Variants in NEDD9 observed in about 807,000 individuals in gnomAD.
NEDD9 encodes the protein enhancer of filamentation 1.
Under a neutral mutation model 76.6 loss-of-function variants are expected in NEDD9, and 26 were observed. The observed-to-expected ratio is 0.34, with a 90% CI of 0.25 to 0.47. The LOEUF (loss-of-function observed/expected upper bound fraction) is 0.47, where lower values mean the gene tolerates loss of function less well. Among genes scored for constraint, NEDD9 ranks in the 20% least tolerant of loss-of-function variants. The probability of loss-of-function intolerance (pLI) is 1.00; values close to 1 mark genes in which losing one functional copy is unlikely to be tolerated. For synonymous variants in NEDD9, 392 were observed against 414.2 expected (o/e 0.95, Z 0.65); for missense variants, 937 against 1,058.5 (o/e 0.89, Z 1.59).
intron 3 of NEDD9, among the ~76,000 whole-genome samples, chr6:11,272,153 T>A (rs1331850142): frequency 6.6e-6 from 1 of 152,192 alleles, no homozygotes; most frequent in Admixed American, 6.5e-5. Flanking sequence ...GGACTTGGTT[T>A]ACCTTTTCTC....
chr6:11,327,692 C>T (rs905235174), intron 2 of NEDD9, among the ~76,000 whole-genome samples: 1 of 152,242 alleles, frequency 6.6e-6, no homozygotes, highest in Non-Finnish European at 1.5e-5. Flanking sequence ...TCAGAAGCTG[C>T]CGTCCATTAA....
chr6:11,245,992 G>A (rs1161796329), intron 3 of NEDD9, among the ~76,000 whole-genome samples: 1 of 151,914 alleles, frequency 6.6e-6, no homozygotes, highest in East Asian at 1.9e-4. Context: ...CTGGAAAATG[G>A]ATGTTTAAAA....
chr6:11,185,331 G>C lies in NEDD9; in HGVS notation c.2336C>G (p.Ser779Cys). ...AQDIRNKVMN[S>C]SNQLCEQLKT... The stretch of plus-strand genomic sequence containing the variant: ...GAGCTGCTCGCAGAGCTGGTTGCTG[G>C]AGTTCATGACTTTGTTGCGAATGTC... The change falls in exon 7 of 7, where the codon TCC becomes TGC. Residue 779 changes from serine (S) to cysteine (C), a missense_variant. Coordinates refer to ENST00000379446, the MANE Select transcript of NEDD9 (RefSeq NM_006403.4). The C allele has an allele frequency of 6.2e-7, 1 of 1,614,180 alleles. No individual in the cohort carries two copies. The highest frequency in any genetic ancestry group is 8.5e-7 in the Non-Finnish European group (1 of 1,180,044).
intron 1 of NEDD9, among the ~76,000 whole-genome samples, chr6:11,358,483 C>T (rs979739287): frequency 6.6e-6 from 1 of 152,086 alleles, no homozygotes; most frequent in African/African-American, 2.4e-5. Flanking sequence ...ACCTCCAAAC[C>T]TAGTTAACAG....
chr6:11,253,389 CG>C (rs1018962478), intron 3 of NEDD9, among the ~76,000 whole-genome samples: 9 of 152,100 alleles, frequency 5.9e-5, no homozygotes, highest in African/African-American at 2.2e-4. Context: ...AAAATTTGAT[CG>C]GGGATATGTC....
chr6:11,382,207 C>G (rs1340870413), exon 1 of NEDD9: 1 of 152,274 alleles, frequency 6.6e-6, no homozygotes, highest in African/African-American at 2.4e-5. Context: ...TCTGGGCAGG[C>G]GGGCGGGAGG....
chr6:11,200,940 T>G (rs754712435), intron 2 of NEDD9: 1 of 1,614,156 alleles, frequency 6.2e-7, no homozygotes, highest in Non-Finnish European at 8.5e-7. Flanking sequence ...TCAGGACACT[T>G]TATTAAAATG....
At chr6:11,280,188 C>T (rs1760506832) in intron 3 of NEDD9, among the ~76,000 whole-genome samples, 1 of 152,124 alleles carries the variant, frequency 6.6e-6, no homozygotes, top group African/African-American at 2.4e-5. Flanking sequence ...GTGGGGGATG[C>T]AATTACCTCC....
At chr6:11,318,806 G>T (rs1478794334) in intron 2 of NEDD9, among the ~76,000 whole-genome samples, 1 of 151,944 alleles carries the variant, frequency 6.6e-6, no homozygotes, top group Non-Finnish European at 1.5e-5. Context: ...TTGGAGAGAA[G>T]CTCTGTTTTT....
intron 3 of NEDD9, among the ~76,000 whole-genome samples, chr6:11,238,732 C>T (rs80333033): frequency 0.015 from 2,346 of 152,282 alleles, 48 homozygotes; most frequent in African/African-American, 0.046. Flanking sequence ...TCTGGACTCC[C>T]GTCACCTGTG....
Position 11,229,524 on chromosome 6 carries a change from G to A in NEDD9, c.12+2980C>T, listed in dbSNP as rs539323609. Among the ~76,000 whole-genome samples, 3 of 152,132 alleles carry A rather than the reference G, an allele frequency of 2.0e-5. No individual in the cohort carries two copies. The South Asian group carries it at 6.2e-4, about 32-fold the overall frequency. ...CAACCATACACCTCCAGACCCTCAG[G>A]AGGGAGCCTTCACTGGGTAAGCAAA... is the stretch of plus-strand genomic sequence containing the variant. On this transcript the variant is annotated intron_variant, in intron 1 of 6. Transcript: ENST00000379446.
At chr6:11,208,661 G>A (rs996999378) in intron 2 of NEDD9, among the ~76,000 whole-genome samples, 1 of 152,038 alleles carries the variant, frequency 6.6e-6, no homozygotes, top group African/African-American at 2.4e-5. Flanking sequence ...GATGGAGCTT[G>A]TAATTTAGCC....
chr6:11,277,258 G>C (rs1010390794), intron 3 of NEDD9, among the ~76,000 whole-genome samples: 1 of 152,212 alleles, frequency 6.6e-6, no homozygotes, highest in Non-Finnish European at 1.5e-5. Flanking sequence ...CTGAGTACTT[G>C]ATAGGTAGTG....
At chr6:11,347,670 A>G (rs977293239) in intron 1 of NEDD9, among the ~76,000 whole-genome samples, 1 of 152,216 alleles carries the variant, frequency 6.6e-6, no homozygotes, top group African/African-American at 2.4e-5. Flanking sequence ...GTGATGGGTC[A>G]AATAGAACTA....
intron 1 of NEDD9, among the ~76,000 whole-genome samples, chr6:11,365,650 T>TA (rs1561848719): frequency 6.6e-6 from 1 of 151,574 alleles, no homozygotes; most frequent in Non-Finnish European, 1.5e-5. Context: ...ATTCAGTACT[T>TA]AAAAAAAAGG....
upstream of NEDD9, among the ~76,000 whole-genome samples, chr6:11,234,704 C>T (rs1581975749): frequency 1.5e-5 from 2 of 133,826 alleles, no homozygotes; most frequent in East Asian, 4.6e-4. Flanking sequence ...AACCTCAAAA[C>T]ATTTTTAATT....
At chr6:11,231,594 C>T (rs1046417803) in intron 1 of NEDD9, among the ~76,000 whole-genome samples, 1 of 152,186 alleles carries the variant, frequency 6.6e-6, no homozygotes, top group Non-Finnish European at 1.5e-5. Flanking sequence ...AATAGTAGCA[C>T]TAGCACTCAT....
intron 1 of NEDD9, among the ~76,000 whole-genome samples, chr6:11,214,364 T>A (rs1758883442): frequency 6.6e-6 from 1 of 152,324 alleles, no homozygotes; most frequent in Admixed American, 6.5e-5. Context: ...GCCATATACA[T>A]CTCCAGCTTT....
At chr6:11,295,080 G>A (rs925768482) in intron 3 of NEDD9, among the ~76,000 whole-genome samples, 1 of 152,170 alleles carries the variant, frequency 6.6e-6, no homozygotes, top group Non-Finnish European at 1.5e-5. Context: ...CCGGCCATGT[G>A]GAATGGTGAG....
Sources: gnomAD v4.1 joint callset for allele counts (sites outside exome capture counted in the v4.1 genomes callset) on GRCh38, gnomAD v4.1.1 for gene constraint, MANE v1.5 for transcripts, NCBI Gene and HGNC (gene_info 2026-07-23, HGNC 2026-07-21) for gene names.